The following MBOAT2 variants were observed in gnomAD, a reference collection of about 807,000 sequenced individuals.
The protein encoded by MBOAT2 is membrane bound glycerophospholipid O-acyltransferase 2, also known as membrane-bound glycerophospholipid O-acyltransferase 2.
In MBOAT2, 28 loss-of-function variants were observed where a neutral mutation model predicts 63.4. That is an observed-to-expected ratio of 0.44 (90% CI 0.33 to 0.61). MBOAT2 has a LOEUF of 0.61. MBOAT2 is among the 20% of genes least tolerant of loss of function. The pLI is 0.03. For synonymous variants in MBOAT2, 211 were observed against 215.6 expected (o/e 0.98, Z 0.19); for missense variants, 470 against 605.8 (o/e 0.78, Z 2.35).
chr2:8,977,614 T>C (rs956355238), intron 1 of MBOAT2, among the ~76,000 whole-genome samples: 2 of 152,166 alleles, frequency 1.3e-5, no homozygotes, highest in African/African-American at 2.4e-5. Flanking sequence ...CAGTCCTATA[T>C]GGCTCTGAAG....
intron 1 of MBOAT2, among the ~76,000 whole-genome samples, chr2:8,971,879 A>C (rs1670480577): frequency 6.6e-6 from 1 of 152,244 alleles, no homozygotes; most frequent in Non-Finnish European, 1.5e-5. Context: ...GATACCAACA[A>C]ATGGAAGAAC....
At chr2:8,968,893 C>G (rs1271906041) in intron 1 of MBOAT2, among the ~76,000 whole-genome samples, 1 of 152,134 alleles carries the variant, frequency 6.6e-6, no homozygotes, top group Non-Finnish European at 1.5e-5. Context: ...AAGACCAAAT[C>G]TACGTCTGAC....
intron 4 of MBOAT2, among the ~76,000 whole-genome samples, chr2:8,906,997 C>G (rs976933304): frequency 4.6e-5 from 7 of 152,188 alleles, no homozygotes; most frequent in Non-Finnish European, 8.8e-5. Context: ...CCTGCAGAGT[C>G]CCAGGACTCT....
intron 1 of MBOAT2, among the ~76,000 whole-genome samples, chr2:8,971,809 AG>A: frequency 6.6e-6 from 1 of 152,314 alleles, no homozygotes; most frequent in Admixed American, 6.5e-5. Flanking sequence ...CCAACTTACA[AG>A]GGATGTGAAG....
chr2:8,997,132 C>T (rs1027194363), intron 1 of MBOAT2, among the ~76,000 whole-genome samples: 4 of 152,174 alleles, frequency 2.6e-5, no homozygotes, highest in Non-Finnish European at 4.4e-5. Flanking sequence ...ACCCATAGCA[C>T]GCATAAAAAT....
Position 8,982,988 on chromosome 2 carries a change from T to C in MBOAT2, c.75+20552A>G, listed in dbSNP as rs543502761. Reference sequence around the variant, plus strand: ...AATAAGTCATGGAAAAAAATTGAAATAGAACAAGGTGTGTGCACAGAATAG... The same window carrying C: ...AATAAGTCATGGAAAAAAATTGAAACAGAACAAGGTGTGTGCACAGAATAG... On this transcript the variant is annotated intron_variant, in intron 1 of 12. Coordinates refer to ENST00000305997, the MANE Select transcript of MBOAT2 (RefSeq NM_138799.4). 2.6e-5 allele frequency among the ~76,000 whole-genome samples: 4 copies of C among 152,142 alleles called. No individual in the cohort carries two copies. In the East Asian group the frequency reaches 7.7e-4, roughly 29 times the overall value.
chr2:8,980,300 C>T (rs1671108053), intron 1 of MBOAT2, among the ~76,000 whole-genome samples: 2 of 152,236 alleles, frequency 1.3e-5, no homozygotes, highest in South Asian at 4.1e-4. Context: ...TCACAGCAGG[C>T]TGACAACAGC....
At chr2:8,863,960 G>T (rs966894304) in intron 10 of MBOAT2, among the ~76,000 whole-genome samples, 6 of 152,180 alleles carry the variant, frequency 3.9e-5, no homozygotes, top group African/African-American at 1.4e-4. Context: ...AGCTGCACCT[G>T]CAGGATAGCT....
At chr2:8,951,347 G>C (rs556576679) in intron 2 of MBOAT2, among the ~76,000 whole-genome samples, 1 of 152,204 alleles carries the variant, frequency 6.6e-6, no homozygotes, top group South Asian at 2.1e-4. Context: ...TGGGATTACA[G>C]ACATGTGTCA....
chr2:8,903,493 G>GT (rs761318819), intron 4 of MBOAT2, among the ~76,000 whole-genome samples: 7 of 151,470 alleles, frequency 4.6e-5, no homozygotes, highest in Non-Finnish European at 7.4e-5. Context: ...TTTTTGGTGG[G>GT]TACACTAAAA....
intron 6 of MBOAT2, among the ~76,000 whole-genome samples, chr2:8,879,033 G>A (rs1010354657): frequency 6.4e-4 from 89 of 138,732 alleles, no homozygotes; most frequent in African/African-American, 2.3e-3. Flanking sequence ...CCGAGATCCC[G>A]CCACTGCACT....
At chr2:8,995,399 T>A (rs916916795) in intron 1 of MBOAT2, among the ~76,000 whole-genome samples, 8 of 152,196 alleles carry the variant, frequency 5.3e-5, no homozygotes, top group African/African-American at 1.9e-4. Flanking sequence ...GTGACAGGAC[T>A]GAAGGGAGAT....
At position 8,857,631 on chromosome 2, in the gene MBOAT2, A is replaced by G. The variant is rs964922548; in HGVS notation, c.*1048T>C. 1.3e-5 allele frequency: 2 copies of G among 152,236 alleles called. No homozygotes were observed. The highest frequency in any genetic ancestry group is 1.3e-4 in the Admixed American group (2 of 15,290). The allele number at this position is 152,236 out of a possible 1,614,324, so 9.4% of individuals were successfully genotyped here. On this transcript the variant is annotated 3_prime_UTR_variant, in exon 13 of 13. Coordinates refer to ENST00000305997, the MANE Select transcript of MBOAT2 (RefSeq NM_138799.4). ...TGAATTAAATTGTCAAGGATAAGAA[A>G]TGGATTAGCCAGATAGTAACCTACC...
intron 3 of MBOAT2, among the ~76,000 whole-genome samples, chr2:8,928,635 A>G (rs1287687407): frequency 6.6e-6 from 1 of 152,146 alleles, no homozygotes; most frequent in Non-Finnish European, 1.5e-5. Flanking sequence ...AAGAATAATT[A>G]TAATAAAATT....
intron 6 of MBOAT2, among the ~76,000 whole-genome samples, chr2:8,881,824 CACAA>C (rs1223832709): frequency 1.3e-5 from 2 of 152,076 alleles, no homozygotes; most frequent in African/African-American, 4.8e-5. Context: ...TAAATAATAT[CACAA>C]ACAATCTCAT....
At chr2:8,899,308 G>A (rs185538652) in intron 4 of MBOAT2, among the ~76,000 whole-genome samples, 541 of 152,330 alleles carry the variant, frequency 3.6e-3, no homozygotes, top group Middle Eastern at 0.017. Flanking sequence ...GCAGGCATGT[G>A]AAAAGAGCCA....
intron 9 of MBOAT2, among the ~76,000 whole-genome samples, chr2:8,867,633 G>A (rs1044698611): frequency 6.6e-6 from 1 of 151,966 alleles, no homozygotes; most frequent in Non-Finnish European, 1.5e-5. Context: ...CAGATTTCTG[G>A]GCCTGATTCA....
intron 1 of MBOAT2, among the ~76,000 whole-genome samples, chr2:8,969,447 G>A (rs1300735078): frequency 1.3e-5 from 2 of 152,180 alleles, no homozygotes; most frequent in African/African-American, 4.8e-5. Context: ...TCGATGCTAG[G>A]AAGAAACTGC....
rs534077239 is a variant in MBOAT2, at chr2:8,935,344, A to C, written c.299+7843T>G. Among the ~76,000 whole-genome samples, 4 of 152,390 alleles carry C rather than the reference A, an allele frequency of 2.6e-5. No individual in the cohort carries two copies. The East Asian group carries it at 7.7e-4, about 29-fold the overall frequency. ...CTCACAAATACTCATTTGATAGAAC[A>C]GAATACAACAGATAACTTCACTTAC... On this transcript the variant is annotated intron_variant, in intron 3 of 12. Transcript: ENST00000305997.
Sources: allele counts gnomAD v4.1 joint callset (sites outside exome capture counted in the v4.1 genomes callset), GRCh38; gene constraint gnomAD v4.1.1; transcripts MANE v1.5; gene names NCBI Gene and HGNC (gene_info 2026-07-23, HGNC 2026-07-21).